The following TDRD10 variants were observed in gnomAD, a reference collection of about 807,000 sequenced individuals.
TDRD10 encodes the protein tudor domain containing 10.
TDRD10 carries 40 observed loss-of-function variants against 48.0 expected under a neutral mutation model. The ratio of observed to expected loss-of-function variants is 0.83; its 90% confidence interval spans 0.65 to 1.09. The LOEUF is 1.09. TDRD10 is among the 50% of genes least tolerant of loss of function. The pLI is 0.00. For synonymous variants in TDRD10, 162 were observed against 170.4 expected (o/e 0.95, Z 0.38); for missense variants, 378 against 434.7 (o/e 0.87, Z 1.16).
chr1:154,546,796 T>G (rs1695615774), intron 11 of TDRD10, among the ~76,000 whole-genome samples: 1 of 152,066 alleles, frequency 6.6e-6, no homozygotes, highest in Non-Finnish European at 1.5e-5. Flanking sequence ...CCTTTATGGA[T>G]GAGGAAAATA....
chr1:154,538,286 C>G (rs919800144), intron 6 of TDRD10, among the ~76,000 whole-genome samples: 1 of 151,692 alleles, frequency 6.6e-6, no homozygotes, highest in Non-Finnish European at 1.5e-5. Context: ...CCGTGGCTCA[C>G]GCCTGTAATC....
chr1:154,540,190 C>T (rs530053528), intron 6 of TDRD10, among the ~76,000 whole-genome samples: 2 of 152,298 alleles, frequency 1.3e-5, no homozygotes, highest in East Asian at 3.9e-4. Context: ...GGTGCCACAG[C>T]AGGGCTCCCT....
chr1:154,540,292 C>T (rs552793153), intron 6 of TDRD10, among the ~76,000 whole-genome samples: 1 of 151,776 alleles, frequency 6.6e-6, no homozygotes, highest in South Asian at 2.1e-4. Context: ...TCGGGTGTGT[C>T]TTGGAGGAGG....
intron 4 of TDRD10, among the ~76,000 whole-genome samples, chr1:154,514,805 G>T (rs886124046): frequency 6.6e-6 from 1 of 151,804 alleles, no homozygotes; most frequent in African/African-American, 2.4e-5. Context: ...CCCCTATCTC[G>T]GCTTCCCATG....
chr1:154,530,913 G>A (rs1694580836), intron 6 of TDRD10, among the ~76,000 whole-genome samples: 1 of 150,548 alleles, frequency 6.6e-6, no homozygotes, highest in Non-Finnish European at 1.5e-5. Context: ...ACCCAGGCTG[G>A]AGTGCATTGG....
At chr1:154,520,662 C>G (rs569927874) in intron 5 of TDRD10, among the ~76,000 whole-genome samples, 11 of 152,228 alleles carry the variant, frequency 7.2e-5, no homozygotes, top group Non-Finnish European at 1.5e-4. Flanking sequence ...CTATACCACC[C>G]TAAGCCTTAG....
intron 4 of TDRD10, among the ~76,000 whole-genome samples, chr1:154,510,547 G>T (rs1287740865): frequency 6.6e-6 from 1 of 151,876 alleles, no homozygotes. Flanking sequence ...AGCCAAGATC[G>T]TGCCACTGCA....
At chr1:154,514,452 G>A (rs1319207765) in intron 4 of TDRD10, among the ~76,000 whole-genome samples, 1 of 152,176 alleles carries the variant, frequency 6.6e-6, no homozygotes, top group Admixed American at 6.5e-5. Context: ...TGGTGAACAA[G>A]GGGTGGAAAG....
chr1:154,519,097 G>A (rs1295558475), intron 4 of TDRD10, among the ~76,000 whole-genome samples: 1 of 152,192 alleles, frequency 6.6e-6, no homozygotes, highest in East Asian at 1.9e-4. Flanking sequence ...TAGTAATAAT[G>A]TGTACTTTAT....
intron 4 of TDRD10, among the ~76,000 whole-genome samples, chr1:154,519,750 G>C (rs1331054287): frequency 1.5e-5 from 1 of 66,616 alleles, no homozygotes; most frequent in Non-Finnish European, 3.7e-5. Flanking sequence ...ATAAAGCGGG[G>C]GAGGTTGGTG....
chr1:154,542,392 T>G (rs539977438), intron 7 of TDRD10, among the ~76,000 whole-genome samples: 1 of 152,214 alleles, frequency 6.6e-6, no homozygotes, highest in East Asian at 1.9e-4. Flanking sequence ...CATGCCTGGC[T>G]AATTGTTAAA....
chr1:154,526,203 CA>C (rs58688953), intron 6 of TDRD10, among the ~76,000 whole-genome samples: 82,152 of 110,208 alleles, frequency 0.75, 29,578 homozygotes, highest in East Asian at 0.88. Context: ...GACTTCATCT[CA>C]AAAAAAAAAA....
At chr1:154,526,009 C>T (rs1230301338) in intron 6 of TDRD10, among the ~76,000 whole-genome samples, 1 of 151,226 alleles carries the variant, frequency 6.6e-6, no homozygotes, top group Non-Finnish European at 1.5e-5. Context: ...TGAGACCACC[C>T]TGGCCAATAT....
chr1:154,539,592 C>T (rs571347888), intron 6 of TDRD10, among the ~76,000 whole-genome samples: 67 of 152,292 alleles, frequency 4.4e-4, no homozygotes, highest in African/African-American at 1.3e-3. Flanking sequence ...GGATTACAGG[C>T]GTGAGCCGCA....
At chr1:154,508,624 T>C (rs1344950909) in intron 4 of TDRD10, 143 bp downstream of exon 4, 2 of 662,980 alleles carry the variant, frequency 3.0e-6, no homozygotes, top group African/African-American at 1.8e-5. Context: ...GTGACTAGGG[T>C]AACCAATGCA....
Position 154,502,552 on chromosome 1 carries a change from T to C in TDRD10, c.-505T>C, listed in dbSNP as rs1692843979. On this transcript the variant is annotated 5_prime_UTR_variant, in exon 1 of 13. Coordinates refer to ENST00000368482, the MANE Select transcript of TDRD10 (RefSeq NM_182499.4). ...GGCAGAGGCGGGTCGGGCTGCGAGCTCTGGAGAAAGGGGCGGCGGCCGCAC... is the reference window on the plus strand; with the variant it reads ...GGCAGAGGCGGGTCGGGCTGCGAGCCCTGGAGAAAGGGGCGGCGGCCGCAC... 1 of 151,616 alleles carries C rather than the reference T, an allele frequency of 6.6e-6. No individual in the cohort carries two copies. Among genetic ancestry groups the C allele is most frequent in the Non-Finnish European group, 1.5e-5 (1 of 67,990 alleles). 9.4% of individuals were successfully genotyped at this position (151,616 alleles called of 1,614,324 possible).
At chr1:154,542,878 C>A in intron 8 of TDRD10, 57 bp downstream of exon 8, 2 of 1,445,014 alleles carry the variant, frequency 1.4e-6, no homozygotes, top group Non-Finnish European at 1.9e-6. Flanking sequence ...CATCCTCTGT[C>A]CCCCAGAGAG....
At chr1:154,519,700 G>A (rs879803334) in intron 4 of TDRD10, among the ~76,000 whole-genome samples, 12 of 152,152 alleles carry the variant, frequency 7.9e-5, no homozygotes, top group Non-Finnish European at 1.5e-4. Context: ...AAAAAATAGG[G>A]TGTAGTTCAA....
chr1:154,545,908 GCAC>G (rs1223929369), intron 11 of TDRD10, among the ~76,000 whole-genome samples: 4 of 137,798 alleles, frequency 2.9e-5, no homozygotes, highest in African/African-American at 1.1e-4. Context: ...TTACAGGCAC[GCAC>G]CACCACACCC....
Sources: gnomAD v4.1 joint callset for allele counts (sites outside exome capture counted in the v4.1 genomes callset) on GRCh38, gnomAD v4.1.1 for gene constraint, MANE v1.5 for transcripts, NCBI Gene and HGNC (gene_info 2026-07-23, HGNC 2026-07-21) for gene names.